Variants in UTP6 observed in about 807,000 individuals in gnomAD.
The protein encoded by UTP6 is UTP6 small subunit processome component, also known as U3 small nucleolar RNA-associated protein 6 homolog.
In UTP6, 60 loss-of-function variants were observed where a neutral mutation model predicts 96.5. The ratio of observed to expected loss-of-function variants is 0.62; its 90% confidence interval spans 0.51 to 0.77. The LOEUF is 0.77. Ranked by LOEUF, UTP6 falls within the 30% of genes least tolerant of loss-of-function variation. UTP6 has a pLI of 0.00. For synonymous variants in UTP6, 215 were observed against 240.1 expected (o/e 0.90, Z 0.96); for missense variants, 637 against 706.5 (o/e 0.90, Z 1.12).
intron 2 of UTP6, among the ~76,000 whole-genome samples, chr17:31,895,302 T>C (rs752869463): frequency 2.6e-5 from 4 of 152,200 alleles, no homozygotes; most frequent in African/African-American, 4.8e-5. Context: ...ACACCAAACC[T>C]ACATTGCACT....
chr17:31,892,004 C>A lies in UTP6; in HGVS notation c.424+256G>T, dbSNP rs565517685. The A allele has an allele frequency of 3.0e-4, 125 of 416,304 alleles. No individual in the cohort carries two copies. In the East Asian group the frequency reaches 4.8e-3, roughly 16 times the overall value. The allele number at this position is 416,304 out of a possible 1,614,324, so 25.8% of individuals were successfully genotyped here. ...CACCACTGCCCTCCAGCCTGGGCGA[C>A]AGAGCGAGACTCCGTCTCAAAAAAA... On this transcript the variant is annotated intron_variant, in intron 6 of 18. Coordinates refer to ENST00000261708, the MANE Select transcript of UTP6 (RefSeq NM_018428.3).
chr17:31,865,900 C>G (rs1909782556), intron 17 of UTP6, among the ~76,000 whole-genome samples: 1 of 152,152 alleles, frequency 6.6e-6, no homozygotes, highest in Admixed American at 6.6e-5. Flanking sequence ...TTAAACATTT[C>G]CTCACCTATA....
At chr17:31,892,192 C>T (rs981458158) in intron 6 of UTP6, 68 bp downstream of exon 6, 18 of 1,535,934 alleles carry the variant, frequency 1.2e-5, no homozygotes, top group African/African-American at 2.7e-5. Flanking sequence ...ATTCATCAAT[C>T]GAAATAAAAT....
chr17:31,868,256 T>C, intron 16 of UTP6, 144 bp from the exon 17 acceptor site: 1 of 547,504 alleles, frequency 1.8e-6, no homozygotes, highest in South Asian at 2.3e-5. Context: ...CTTGACCTGA[T>C]GGCCAGTCAT....
At chr17:31,894,163 G>A (rs1387405955) in intron 4 of UTP6, among the ~76,000 whole-genome samples, 1 of 151,622 alleles carries the variant, frequency 6.6e-6, no homozygotes, top group Admixed American at 6.6e-5. Flanking sequence ...CAGCTACTGG[G>A]GAGGCTGAGG....
intron 11 of UTP6, among the ~76,000 whole-genome samples, chr17:31,879,533 G>A (rs1041396550): frequency 2.0e-5 from 3 of 151,702 alleles, no homozygotes; most frequent in South Asian, 2.1e-4. Context: ...TTGGCCTGGC[G>A]TGGAGGCATG....
chr17:31,884,497 A>G lies in UTP6; in HGVS notation c.712T>C (p.Phe238Leu). The G allele has an allele frequency of 7.4e-6, 12 of 1,611,130 alleles. No individual in the cohort carries two copies. Among genetic ancestry groups the G allele is most frequent in the Non-Finnish European group, 1.0e-5 (12 of 1,178,898 alleles). ...GCAATCGAAAGCAGTGACACGTGAA[A>G]TTCTGCACCTAAATTTAAAAAGCAG... ...NSVSIIKGAE[F>L]HVSLLSIAQL... Residue 238 changes from phenylalanine to leucine, a missense_variant, in exon 10 of 19, where the codon TTT becomes CTT. Phe to Leu is a conservative substitution (Grantham distance 22). Transcript: ENST00000261708.
At chr17:31,878,223 C>A (rs1448320594) in intron 13 of UTP6, 27 bp downstream of exon 13, 1 of 1,609,560 alleles carries the variant, frequency 6.2e-7, no homozygotes, top group South Asian at 1.1e-5. Context: ...TTGTAACTGG[C>A]ACAGAATATT....
chr17:31,894,463 A>G (rs1035141847), intron 4 of UTP6, among the ~76,000 whole-genome samples, 182 bp downstream of exon 4: 3 of 152,114 alleles, frequency 2.0e-5, no homozygotes, highest in Non-Finnish European at 2.9e-5. Flanking sequence ...TAAGGTAATA[A>G]GATCAATTTT....
intron 10 of UTP6, among the ~76,000 whole-genome samples, chr17:31,881,192 C>T (rs1910816707): frequency 6.6e-6 from 1 of 151,608 alleles, no homozygotes; most frequent in African/African-American, 2.4e-5. Context: ...AAATATATTT[C>T]CCAACAGGCT....
In UTP6 at chr17:31,863,060, A is replaced by G. The variant is rs1375311252; in HGVS notation, c.*299T>C. The stretch of plus-strand genomic sequence containing the variant: ...TTTACTGGAATCAGATTAGCACATC[A>G]AACTGAGCAGTGTCATGCACCTATA... On this transcript the variant is annotated 3_prime_UTR_variant, in exon 19 of 19. Coordinates refer to ENST00000261708, the MANE Select transcript of UTP6 (RefSeq NM_018428.3). 5 of 295,334 alleles carry G rather than the reference A, an allele frequency of 1.7e-5. No homozygotes were observed. Among genetic ancestry groups the G allele is most frequent in the Non-Finnish European group, 3.2e-5 (5 of 158,490 alleles). 18.3% of individuals were successfully genotyped at this position (295,334 alleles called of 1,614,324 possible).
intron 13 of UTP6, among the ~76,000 whole-genome samples, chr17:31,877,550 G>C (rs144112014): frequency 2.1e-4 from 32 of 152,254 alleles, no homozygotes; most frequent in African/African-American, 7.5e-4. Context: ...AGCCAGGCAC[G>C]GCCAGGAGCA....
chr17:31,874,695 G>C (rs929519016), intron 14 of UTP6, among the ~76,000 whole-genome samples: 3 of 151,346 alleles, frequency 2.0e-5, no homozygotes, highest in Non-Finnish European at 2.9e-5. Context: ...ACTTTGGGAG[G>C]CCAAGGCGGG....
chr17:31,885,560 C>T (rs1010444486), intron 9 of UTP6, among the ~76,000 whole-genome samples: 6 of 151,746 alleles, frequency 4.0e-5, no homozygotes, highest in South Asian at 4.2e-4. Context: ...GAGGCCAAGG[C>T]GGGCAGGTCA....
Position 31,899,768 on chromosome 17 carries a change from C to T in UTP6, c.93-38G>A. 2.8e-6 allele frequency: 4 copies of T among 1,413,316 alleles called. No individual in the cohort carries two copies. The South Asian group carries it at 5.2e-5, about 18-fold the overall frequency. The allele number at this position is 1,413,316 out of a possible 1,614,324, so 87.5% of individuals were successfully genotyped here. ...CCATTTAAACTTCACTTGAAAACTG[C>T]AAAAATTAAACGTTTAAGTTTATTT... is the stretch of plus-strand genomic sequence containing the variant. On this transcript the variant is annotated intron_variant, in intron 1 of 18. Coordinates refer to ENST00000261708, the MANE Select transcript of UTP6 (RefSeq NM_018428.3).
At chr17:31,880,425 T>TAAAAAAAAA in intron 11 of UTP6, 148 bp downstream of exon 11, 1 of 662,954 alleles carries the variant, frequency 1.5e-6, no homozygotes, top group Non-Finnish European at 2.2e-6. Context: ...TGCCTCCCAA[T>TAAAAAAAAA]AAAAAAAAAA....
intron 16 of UTP6, chr17:31,873,170 C>T: frequency 4.4e-6 from 2 of 454,020 alleles, no homozygotes; most frequent in Non-Finnish European, 7.8e-6. Context: ...AGGAGAATCA[C>T]TTGAACGCAG....
Position 31,880,552 on chromosome 17 carries a change from C to T in UTP6, c.967+21G>A, listed in dbSNP as rs370835863. 1.5e-5 allele frequency: 24 copies of T among 1,613,914 alleles called. No individual in the cohort carries two copies. In the African/African-American group the frequency reaches 3.1e-4, roughly 21 times the overall value. ...GGGATACTATTCCTTCTATATCACA[C>T]CATGGTTTGGTGAAGTTCACCTGTT... On this transcript the variant is annotated intron_variant, in intron 11 of 18. Transcript: ENST00000261708.
At position 31,889,328 on chromosome 17, in the gene UTP6, C is replaced by T. The variant is rs780260167; in HGVS notation, c.500G>A (p.Arg167His). The T allele has an allele frequency of 2.3e-5, 37 of 1,613,684 alleles. No individual in the cohort carries two copies. Among genetic ancestry groups the T allele is most frequent in the Middle Eastern group, 3.3e-4 (2 of 6,056 alleles). The change falls in exon 7 of 19, where the codon CGC (arginine) becomes CAC (histidine). Residue 167 changes from arginine to histidine, a missense_variant. Coordinates refer to ENST00000261708, the MANE Select transcript of UTP6 (RefSeq NM_018428.3). The stretch of plus-strand genomic sequence containing the variant: ...GCACTCTGGATGAAAGCGCAGTGCG[C>T]GAAGAAATAGTTGCCTTGCGCTTTC... Reference protein sequence around the residue: ...SSESARQLFLRALRFHPECPK... With the variant: ...SSESARQLFLHALRFHPECPK...
Sources: allele counts gnomAD v4.1 joint callset (sites outside exome capture counted in the v4.1 genomes callset), GRCh38; gene constraint gnomAD v4.1.1; transcripts MANE v1.5; gene names NCBI Gene and HGNC (gene_info 2026-07-23, HGNC 2026-07-21).